Variants in BBS9 observed in about 807,000 individuals in gnomAD.
BBS9 encodes protein PTHB1.
Under a neutral mutation model 117.7 loss-of-function variants are expected in BBS9, and 89 were observed. The ratio of observed to expected loss-of-function variants is 0.76; its 90% CI spans 0.64 to 0.90. BBS9 has a LOEUF of 0.90. Ranked by LOEUF, BBS9 falls within the 40% of genes least tolerant of loss-of-function variation. BBS9 has a pLI of 0.00. For synonymous variants in BBS9, 379 were observed against 370.9 expected (o/e 1.02, Z -0.25); for missense variants, 982 against 1,042.2 (o/e 0.94, Z 0.80).
intron 15 of BBS9, among the ~76,000 whole-genome samples, chr7:33,356,002 G>C (rs1819552371): frequency 6.6e-6 from 1 of 151,778 alleles, no homozygotes; most frequent in Admixed American, 6.6e-5. Context: ...TGAGTAATTA[G>C]CTCAGAATTT....
chr7:33,558,433 A>G (rs996269944), intron 21 of BBS9, among the ~76,000 whole-genome samples: 3 of 152,150 alleles, frequency 2.0e-5, no homozygotes, highest in Non-Finnish European at 4.4e-5. Flanking sequence ...AGGGAAGGCT[A>G]GACATTCCAG....
intron 21 of BBS9, among the ~76,000 whole-genome samples, chr7:33,579,687 C>T (rs1213731531): frequency 6.6e-6 from 1 of 152,014 alleles, no homozygotes; most frequent in Non-Finnish European, 1.5e-5. Flanking sequence ...TTCCCAGTAC[C>T]CCTGATGATG....
chr7:33,511,309 A>G (rs957097152), intron 20 of BBS9, among the ~76,000 whole-genome samples: 11 of 152,178 alleles, frequency 7.2e-5, no homozygotes, highest in Non-Finnish European at 1.6e-4. Flanking sequence ...CAAGAGAACA[A>G]GAAGGAGCAG....
chr7:33,464,388 C>T (rs1272788796), intron 19 of BBS9, among the ~76,000 whole-genome samples: 1 of 152,028 alleles, frequency 6.6e-6, no homozygotes, highest in Non-Finnish European at 1.5e-5. Context: ...AGTAATATCT[C>T]TTTTCTTCAC....
At chr7:33,328,050 T>C (rs1485781010) in intron 9 of BBS9, among the ~76,000 whole-genome samples, 3 of 152,160 alleles carry the variant, frequency 2.0e-5, no homozygotes, top group African/African-American at 7.2e-5. Context: ...TGGATGTACA[T>C]GTCTGGCTGG....
chr7:33,194,619 A>G (rs1784655144), intron 5 of BBS9, among the ~76,000 whole-genome samples: 1 of 152,208 alleles, frequency 6.6e-6, no homozygotes, highest in African/African-American at 2.4e-5. Flanking sequence ...TAATTCTGGT[A>G]GACTTATTTA....
intron 19 of BBS9, among the ~76,000 whole-genome samples, chr7:33,419,355 T>G (rs138577192): frequency 2.6e-5 from 4 of 152,330 alleles, no homozygotes; most frequent in African/African-American, 9.6e-5. Context: ...AATATTGCTT[T>G]CTTTCTTTTT....
In BBS9 at chr7:33,584,648, A is replaced by G. The variant is rs1372065652; in HGVS notation, c.2522-20217A>G. ...TAATTGAATCATTTTGCATTTCTGG[A>G]TCAAGTTATCTTTAATTATACTTTT... On this transcript the variant is annotated intron_variant, in intron 21 of 22. Coordinates refer to ENST00000242067, the MANE Select transcript of BBS9 (RefSeq NM_198428.3). Among the ~76,000 whole-genome samples the G allele has an allele frequency of 2.0e-5, 3 of 152,158 alleles. No homozygotes were observed. The East Asian group carries it at 5.8e-4, about 29-fold the overall frequency.
chr7:33,576,800 A>T (rs1858971985), intron 21 of BBS9, among the ~76,000 whole-genome samples: 1 of 152,236 alleles, frequency 6.6e-6, no homozygotes, highest in African/African-American at 2.4e-5. Context: ...AAAACAAGAA[A>T]TGGAGAAAGA....
chr7:33,422,795 AG>A (rs1413889166), intron 19 of BBS9, among the ~76,000 whole-genome samples: 1 of 152,212 alleles, frequency 6.6e-6, no homozygotes, highest in African/African-American at 2.4e-5. Context: ...TTAAAAATAA[AG>A]ACAGGGTCTT....
intron 6 of BBS9, among the ~76,000 whole-genome samples, chr7:33,263,132 G>T (rs1431355528): frequency 6.6e-6 from 1 of 152,016 alleles, no homozygotes; most frequent in Admixed American, 6.6e-5. Context: ...ATAAGCTATT[G>T]TTAAGTTTGT....
At chr7:33,206,600 A>G (rs1786976323) in intron 5 of BBS9, among the ~76,000 whole-genome samples, 1 of 151,746 alleles carries the variant, frequency 6.6e-6, no homozygotes, top group African/African-American at 2.4e-5. Context: ...ATGTGTGTAC[A>G]TTTTTCCCTG....
chr7:33,146,503 C>T lies in BBS9; in HGVS notation c.112+139C>T, dbSNP rs1792383442. On this transcript the variant is annotated intron_variant, in intron 2 of 22. Coordinates refer to ENST00000242067, the MANE Select transcript of BBS9 (RefSeq NM_198428.3). ...GATCACGAGGTCAGGAGTACGAGACCAGCCTGGCCAACATGGTGAAACACT... is the reference window on the plus strand; with the variant it reads ...GATCACGAGGTCAGGAGTACGAGACTAGCCTGGCCAACATGGTGAAACACT... 2.3e-5 allele frequency: 16 copies of T among 684,286 alleles called. No individual in the cohort carries two copies. The South Asian group carries it at 2.4e-4, about 10-fold the overall frequency. 42.4% of individuals were successfully genotyped at this position (684,286 alleles called of 1,614,324 possible). A position where few individuals can be genotyped will look rare whatever the true frequency, so the allele number is the denominator to read the frequency against.
At chr7:33,160,713 A>G (rs1018619702) in intron 4 of BBS9, among the ~76,000 whole-genome samples, 3 of 152,138 alleles carry the variant, frequency 2.0e-5, no homozygotes, top group African/African-American at 4.8e-5. Context: ...TTGTGAGATT[A>G]TTAACTCAAA....
chr7:33,138,330 A>T (rs1234072825), intron 1 of BBS9, among the ~76,000 whole-genome samples: 1 of 151,178 alleles, frequency 6.6e-6, no homozygotes, highest in Non-Finnish European at 1.5e-5. Flanking sequence ...AACGGACGGC[A>T]GAGGTCCTCT....
rs564976328 is a variant in BBS9 at position 33,253,017 on chromosome 7, A to G, written c.443-4219A>G. On this transcript the variant is annotated intron_variant, in intron 5 of 22. Coordinates refer to ENST00000242067, the MANE Select transcript of BBS9 (RefSeq NM_198428.3). ...CACATCTTGCACCACTTTACCATAA[A>G]TACGTCAGCACACATCTCCCAATGA... Among the ~76,000 whole-genome samples the G allele has an allele frequency of 2.6e-5, 4 of 152,254 alleles. No individual in the cohort carries two copies. In the South Asian group the frequency reaches 8.3e-4, roughly 32 times the overall value.
intron 5 of BBS9, among the ~76,000 whole-genome samples, chr7:33,225,596 T>A (rs1453369157): frequency 2.0e-5 from 3 of 152,192 alleles, no homozygotes; most frequent in Non-Finnish European, 4.4e-5. Context: ...GCTTCAGTAG[T>A]CTTTGTTAGC....
intron 15 of BBS9, among the ~76,000 whole-genome samples, chr7:33,356,477 C>T (rs1377445359): frequency 2.0e-5 from 3 of 151,690 alleles, no homozygotes; most frequent in Admixed American, 2.0e-4. Context: ...AGTTGTAATT[C>T]GCATCTAGGA....
At chr7:33,595,234 G>C (rs1862545886) in intron 21 of BBS9, among the ~76,000 whole-genome samples, 1 of 152,072 alleles carries the variant, frequency 6.6e-6, no homozygotes, top group African/African-American at 2.4e-5. Context: ...AGCAAAAGAA[G>C]CTATATCATC....
Sources: allele counts gnomAD v4.1 joint callset (sites outside exome capture counted in the v4.1 genomes callset), GRCh38; gene constraint gnomAD v4.1.1; transcripts MANE v1.5; gene names NCBI Gene and HGNC (gene_info 2026-07-23, HGNC 2026-07-21).